Variants in ALPK1 observed in about 807,000 individuals in gnomAD.
The protein encoded by ALPK1 is alpha-protein kinase 1.
In ALPK1, 110 loss-of-function variants were observed where a neutral mutation model predicts 120.6. The ratio of observed to expected loss-of-function variants is 0.91; its 90% CI spans 0.78 to 1.07. ALPK1 has a LOEUF of 1.07. ALPK1 is among the 50% of genes least tolerant of loss of function. The pLI, the probability that ALPK1 is intolerant of heterozygous loss-of-function variation, is 0.00. For synonymous variants in ALPK1, 582 were observed against 560.3 expected, an observed-to-expected ratio of 1.04 and a Z score of -0.55; for missense variants, 1,498 against 1,483.9, an observed-to-expected ratio of 1.01 and a Z score of -0.16.
intron 3 of ALPK1, 23 bp from the exon 4 acceptor site, chr4:112,382,375 T>C (rs756671407): frequency 6.2e-7 from 1 of 1,608,328 alleles, no homozygotes; most frequent in South Asian, 1.1e-5. Context: ...GCAATTTCCT[T>C]ACCTGAACTC....
chr4:112,302,272 A>G (rs1727822576), intron 1 of ALPK1: 2 of 152,230 alleles, frequency 1.3e-5, no homozygotes, highest in Non-Finnish European at 2.9e-5. Context: ...TAAAGGATAA[A>G]GCCTAAAGGC....
intron 10 of ALPK1, among the ~76,000 whole-genome samples, chr4:112,430,195 G>A (rs1734473720): frequency 6.6e-6 from 1 of 152,174 alleles, no homozygotes; most frequent in Non-Finnish European, 1.5e-5. Context: ...ACAATAGGAT[G>A]GTAATTGAAG....
chr4:112,338,071 A>G (rs530648617), intron 2 of ALPK1, among the ~76,000 whole-genome samples: 10 of 152,276 alleles, frequency 6.6e-5, no homozygotes, highest in African/African-American at 1.4e-4. Flanking sequence ...TGTTCGAGCC[A>G]TTCTCCTACC....
At chr4:112,382,316 TGAGGTGC>T in intron 3 of ALPK1, 75 bp from the exon 4 acceptor site, 2 of 912,634 alleles carry the variant, frequency 2.2e-6, no homozygotes, top group South Asian at 1.8e-5. Flanking sequence ...TTTTTGCCAC[TGAGGTGC>T]TTCATCATAA....
rs973994724 is a variant in ALPK1, at chr4:112,331,315, C to T, written c.-101+15463C>T. ...GTGGGAGACCTTTGGTGGACATTTA[C>T]ATGGGGCACAAGTATTCTGATATCA... is the stretch of plus-strand genomic sequence containing the variant. On this transcript the variant is annotated intron_variant, in intron 2 of 15. Transcript: ENST00000650871. Among the ~76,000 whole-genome samples, 34 of 152,176 alleles carry T rather than the reference C, an allele frequency of 2.2e-4. 1 individual carries two copies. Among genetic ancestry groups the T allele is most frequent in the Admixed American group, 1.5e-3 (23 of 15,260 alleles).
intron 4 of ALPK1, chr4:112,384,844 A>G (rs1307691323): frequency 6.6e-6 from 1 of 152,204 alleles, no homozygotes; most frequent in Non-Finnish European, 1.5e-5. Flanking sequence ...CAATAAAAAA[A>G]AATCTCTTTT....
intron 2 of ALPK1, chr4:112,358,790 G>C: frequency 1.2e-6 from 1 of 828,172 alleles, no homozygotes; most frequent in Non-Finnish European, 2.2e-6. Context: ...TCTTCATGGT[G>C]GCCATGAAGT....
intron 4 of ALPK1, among the ~76,000 whole-genome samples, chr4:112,410,484 GTGTTAGTACTTAGGATTA>G (rs1212864191): frequency 6.6e-6 from 1 of 152,240 alleles, no homozygotes; most frequent in Non-Finnish European, 1.5e-5. Flanking sequence ...TGCCCAGTAA[GTGTTAGTACTTAGGATTA>G]TGTGGTGATG....
intron 2 of ALPK1, among the ~76,000 whole-genome samples, chr4:112,369,995 G>T (rs925465951): frequency 7.2e-5 from 11 of 152,162 alleles, no homozygotes; most frequent in African/African-American, 2.4e-4. Flanking sequence ...TGGCTAGTGG[G>T]TTATAATAGC....
intron 2 of ALPK1, among the ~76,000 whole-genome samples, chr4:112,347,896 A>T (rs1379091079): frequency 6.6e-6 from 1 of 152,228 alleles, no homozygotes; most frequent in Non-Finnish European, 1.5e-5. Context: ...TTTTTTAAAA[A>T]TTTCCTGTAT....
At chr4:112,325,950 C>T (rs138859131) in intron 2 of ALPK1, among the ~76,000 whole-genome samples, 35 of 152,290 alleles carry the variant, frequency 2.3e-4, no homozygotes, top group Admixed American at 1.9e-3. Flanking sequence ...GCTGTGTGAG[C>T]GAGCAGTGCC....
intron 4 of ALPK1, among the ~76,000 whole-genome samples, chr4:112,387,049 T>C (rs1407664616): frequency 6.6e-6 from 1 of 152,182 alleles, no homozygotes; most frequent in Non-Finnish European, 1.5e-5. Context: ...GATGGATTTT[T>C]CAAAAAGTAT....
chr4:112,417,300 T>C (rs1733787086), intron 5 of ALPK1, among the ~76,000 whole-genome samples: 1 of 152,162 alleles, frequency 6.6e-6, no homozygotes, highest in Non-Finnish European at 1.5e-5. Context: ...GACTAAAGAA[T>C]GTGGTAAATA....
chr4:112,377,792 A>C lies in ALPK1; in HGVS notation c.15A>C (p.Lys5Asn), dbSNP rs777711831. 6 of 1,611,318 alleles carry C rather than the reference A, an allele frequency of 3.7e-6. No homozygotes were observed. The highest frequency in any genetic ancestry group is 5.1e-6 in the Non-Finnish European group (6 of 1,178,184). MNNQKVVAVLLQECK... is the reference protein window; with the variant it reads MNNQNVVAVLLQECK... Reference sequence around the variant, plus strand: ...TCGTAATCATCATGAATAATCAAAAAGTGGTAGCTGTGCTACTGCAAGAGT... The same window carrying C: ...TCGTAATCATCATGAATAATCAAAACGTGGTAGCTGTGCTACTGCAAGAGT... Residue 5 changes from lysine (K) to asparagine (N), a missense_variant, in exon 3 of 16, where the codon AAA (lysine) becomes AAC (asparagine). Coordinates refer to ENST00000650871, the MANE Select transcript of ALPK1 (RefSeq NM_025144.4).
intron 4 of ALPK1, among the ~76,000 whole-genome samples, chr4:112,402,592 A>C (rs560590741): frequency 3.1e-4 from 47 of 152,254 alleles, no homozygotes; most frequent in African/African-American, 1.1e-3. Flanking sequence ...CATCCTGAAA[A>C]CAGATGTGAA....
intron 2 of ALPK1, among the ~76,000 whole-genome samples, chr4:112,347,759 AT>A (rs1730162371): frequency 6.6e-6 from 1 of 152,272 alleles, no homozygotes; most frequent in African/African-American, 2.4e-5. Context: ...TATTTGATGC[AT>A]TAAACTTCTA....
chr4:112,384,811 G>A (rs192566660), intron 4 of ALPK1: 182 of 152,188 alleles, frequency 1.2e-3, no homozygotes, highest in African/African-American at 4.3e-3. Context: ...AGAATCCAGT[G>A]AGAAGGCTGT....
intron 2 of ALPK1, among the ~76,000 whole-genome samples, chr4:112,337,001 T>A (rs1280021226): frequency 6.6e-6 from 1 of 152,138 alleles, no homozygotes; most frequent in Non-Finnish European, 1.5e-5. Flanking sequence ...GTTTTCATGT[T>A]TTAAAATTGG....
At chr4:112,312,770 T>G (rs963812512) in intron 1 of ALPK1, among the ~76,000 whole-genome samples, 1 of 152,246 alleles carries the variant, frequency 6.6e-6, no homozygotes, top group Admixed American at 6.5e-5. Flanking sequence ...TTAGTTATTA[T>G]GCAACAGACA....
Sources: allele counts gnomAD v4.1 joint callset (sites outside exome capture counted in the v4.1 genomes callset), GRCh38; gene constraint gnomAD v4.1.1; transcripts MANE v1.5; gene names NCBI Gene and HGNC (gene_info 2026-07-23, HGNC 2026-07-21).